Variants in NRG3 observed in about 807,000 individuals in gnomAD.
The protein encoded by NRG3 is neuregulin 3.
A neutral mutation model predicts 66.9 loss-of-function variants in NRG3; 31 were observed. That is an observed-to-expected ratio of 0.46 (90% CI 0.35 to 0.63). The LOEUF (loss-of-function observed/expected upper bound fraction) is 0.63, where lower values mean the gene tolerates loss of function less well. NRG3 is among the 20% of genes least tolerant of loss of function. NRG3 has a pLI of 0.00. For missense variants in NRG3, 910 were observed against 878.9 expected (o/e 1.04, Z -0.45); for synonymous variants, 393 against 359.4 (o/e 1.09, Z -1.06).
At chr10:81,910,464 A>T (rs1845026717) in intron 1 of NRG3, among the ~76,000 whole-genome samples, 1 of 152,224 alleles carries the variant, frequency 6.6e-6, no homozygotes. Context: ...AAATTAAACA[A>T]CATGCATTAA....
chr10:82,334,067 G>C (rs2082267438), intron 1 of NRG3, among the ~76,000 whole-genome samples: 1 of 151,394 alleles, frequency 6.6e-6, no homozygotes, highest in South Asian at 2.1e-4. Flanking sequence ...CTACTCAGGA[G>C]GCTGAGGCAG....
At chr10:82,124,867 C>T (rs930996238) in intron 1 of NRG3, among the ~76,000 whole-genome samples, 24 of 151,922 alleles carry the variant, frequency 1.6e-4, no homozygotes, top group Non-Finnish European at 2.6e-4. Context: ...AGCAAAACAT[C>T]ATATCATCTA....
At chr10:81,897,845 A>G (rs1045144457) in intron 1 of NRG3, among the ~76,000 whole-genome samples, 3 of 152,168 alleles carry the variant, frequency 2.0e-5, no homozygotes, top group African/African-American at 7.2e-5. Flanking sequence ...TAGACTGGGA[A>G]GTGACAGGGA....
chr10:82,849,014 C>T (rs1282639337), intron 3 of NRG3, among the ~76,000 whole-genome samples: 2 of 152,084 alleles, frequency 1.3e-5, no homozygotes, highest in Admixed American at 6.5e-5. Flanking sequence ...TGAGAATGGG[C>T]TAATACAAGT....
intron 2 of NRG3, among the ~76,000 whole-genome samples, chr10:82,404,532 A>G (rs1377404326): frequency 3.9e-5 from 6 of 152,210 alleles, no homozygotes; most frequent in South Asian, 2.1e-4. Context: ...TGCTATCTCA[A>G]TCATTATATT....
chr10:82,537,404 T>C (rs1160586029), intron 2 of NRG3, among the ~76,000 whole-genome samples: 1 of 152,062 alleles, frequency 6.6e-6, no homozygotes, highest in Non-Finnish European at 1.5e-5. Flanking sequence ...AGGACAATGG[T>C]GACTTTCGCA....
chr10:82,278,640 C>T (rs1015544175), intron 1 of NRG3, among the ~76,000 whole-genome samples: 3 of 152,120 alleles, frequency 2.0e-5, no homozygotes, highest in African/African-American at 7.2e-5. Context: ...GAAACTAGAG[C>T]TGTCTGAAAT....
At chr10:82,784,552 A>G (rs577066944) in intron 3 of NRG3, among the ~76,000 whole-genome samples, 35 of 152,360 alleles carry the variant, frequency 2.3e-4, no homozygotes, top group African/African-American at 2.4e-5. Context: ...AAGGATATGA[A>G]CAGACACTTC....
intron 1 of NRG3, among the ~76,000 whole-genome samples, chr10:82,149,924 C>T (rs1167546322): frequency 6.6e-6 from 1 of 150,990 alleles, no homozygotes; most frequent in Non-Finnish European, 1.5e-5. Context: ...ATAAGCCGAC[C>T]TTTAACTACA....
intron 4 of NRG3, among the ~76,000 whole-genome samples, chr10:82,939,912 C>T (rs1848444027): frequency 6.6e-6 from 1 of 151,318 alleles, no homozygotes; most frequent in Non-Finnish European, 1.5e-5. Flanking sequence ...AGCAGAAGAC[C>T]ACTGGTAAAT....
At chr10:82,124,383 C>T (rs1431203943) in intron 1 of NRG3, among the ~76,000 whole-genome samples, 2 of 151,960 alleles carry the variant, frequency 1.3e-5, no homozygotes, top group Non-Finnish European at 2.9e-5. Flanking sequence ...CTAACCCTTG[C>T]CTGGAATATA....
At chr10:82,459,489 T>C (rs376098511) in intron 2 of NRG3, among the ~76,000 whole-genome samples, 18 of 152,346 alleles carry the variant, frequency 1.2e-4, no homozygotes, top group African/African-American at 3.8e-4. Flanking sequence ...GATGCAATAG[T>C]GAGCACAGCT....
rs757051071 is a variant in NRG3, at chr10:82,049,466, A to G, written c.823+173303A>G. 7.2e-5 allele frequency among the ~76,000 whole-genome samples: 11 copies of G among 152,170 alleles called. No individual in the cohort carries two copies. In the East Asian group the frequency reaches 2.1e-3, roughly 29 times the overall value. ...GCTTCCTTAAATCCTACTTCTTTAC[A>G]TTTAAAAAACAATTATAAGGGGGCT... On this transcript the variant is annotated intron_variant, in intron 1 of 8. Coordinates refer to ENST00000372141, the MANE Select transcript of NRG3 (RefSeq NM_001010848.4).
Position 82,598,664 on chromosome 10 carries a change from G to A in NRG3, c.954-139913G>A, listed in dbSNP as rs182502229. On this transcript the variant is annotated intron_variant, in intron 2 of 8. Coordinates refer to ENST00000372141, the MANE Select transcript of NRG3 (RefSeq NM_001010848.4). ...ATGCTTAGAAAAAAGATAAGAACAG[G>A]TAAGTGACCCTTTGCTTTGTGAAAT... 2.0e-4 allele frequency among the ~76,000 whole-genome samples: 30 copies of A among 152,294 alleles called. No homozygotes were observed. In the East Asian group the frequency reaches 5.4e-3, roughly 27 times the overall value.
intron 1 of NRG3, among the ~76,000 whole-genome samples, chr10:81,902,678 C>G (rs1037293071): frequency 3.3e-5 from 5 of 152,094 alleles, no homozygotes; most frequent in African/African-American, 4.8e-5. Context: ...TTATAGCATC[C>G]TGCACTAAGA....
chr10:82,866,376 A>G (rs186866969), intron 4 of NRG3, among the ~76,000 whole-genome samples: 4 of 152,278 alleles, frequency 2.6e-5, no homozygotes, highest in South Asian at 4.1e-4. Flanking sequence ...CAAAGTGTTG[A>G]TTTGGGATAG....
rs1411189988 is a variant in NRG3, at chr10:82,109,157, A to C, written c.823+232994A>C. 2.0e-5 allele frequency among the ~76,000 whole-genome samples: 3 copies of C among 152,176 alleles called. No homozygotes were observed. In the East Asian group the frequency reaches 5.8e-4, roughly 29 times the overall value. On this transcript the variant is annotated intron_variant, in intron 1 of 8. Coordinates refer to ENST00000372141, the MANE Select transcript of NRG3 (RefSeq NM_001010848.4). ...TGTCAGAAGAATTATGATGTGGTCA[A>C]CTTATTTCCTGATGTTACCTCCACA... is the stretch of plus-strand genomic sequence containing the variant.
chr10:82,741,666 A>G (rs1349966952), intron 3 of NRG3, among the ~76,000 whole-genome samples: 4 of 152,158 alleles, frequency 2.6e-5, no homozygotes, highest in Non-Finnish European at 5.9e-5. Context: ...ATTAGACCTC[A>G]GGGAAGCTAA....
chr10:82,197,977 TA>T (rs2074535450), intron 1 of NRG3, among the ~76,000 whole-genome samples: 3 of 152,172 alleles, frequency 2.0e-5, no homozygotes, highest in Non-Finnish European at 4.4e-5. Context: ...GACATAGTCT[TA>T]TCAAAAAAGA....
Sources: gnomAD v4.1 joint callset for allele counts (sites outside exome capture counted in the v4.1 genomes callset) on GRCh38, gnomAD v4.1.1 for gene constraint, MANE v1.5 for transcripts, NCBI Gene and HGNC (gene_info 2026-07-23, HGNC 2026-07-21) for gene names.